SCGB2A1: variants seen among roughly 807,000 people sequenced by gnomAD.
The protein encoded by SCGB2A1 is secretoglobin family 2A member 1, also known as mammaglobin-B.
Under a neutral mutation model 9.2 loss-of-function variants are expected in SCGB2A1, and 6 were observed. That is an observed-to-expected ratio of 0.66 (90% CI 0.36 to 1.29). The LOEUF (loss-of-function observed/expected upper bound fraction) is 1.29. Ranked by LOEUF, SCGB2A1 falls within the 50% of genes most tolerant of loss-of-function variation. SCGB2A1 has a pLI of 0.03. For missense variants in SCGB2A1, 138 were observed against 116.9 expected (o/e 1.18, Z -0.83); for synonymous variants, 37 against 41.0 (o/e 0.90, Z 0.37).
chr11:62,208,699 G>C lies in SCGB2A1; in HGVS notation c.-33G>C, dbSNP rs376279942. ...CAGCAACTTCCTTGATCCCTGCCAC[G>C]CACGACTGAACACAGACAGCAGCCG... is the stretch of plus-strand genomic sequence containing the variant. On this transcript the variant is annotated 5_prime_UTR_variant, in exon 1 of 3. Transcript: ENST00000244930. 1.2e-6 allele frequency: 2 copies of C among 1,611,736 alleles called. No homozygotes were observed. The highest frequency in any genetic ancestry group is 4.5e-5 in the East Asian group (2 of 44,862).
At chr11:62,213,199 G>A (rs1944853225) in intron 2 of SCGB2A1, among the ~76,000 whole-genome samples, 1 of 149,340 alleles carries the variant, frequency 6.7e-6, no homozygotes, top group Non-Finnish European at 1.5e-5. Context: ...GCTTCCCAAA[G>A]TGCTGGGATT....
intron 2 of SCGB2A1, 89 bp downstream of exon 2, chr11:62,210,689 T>A: frequency 9.9e-7 from 1 of 1,007,434 alleles, no homozygotes; most frequent in Non-Finnish European, 1.4e-6. Context: ...GCCAAGCAAC[T>A]GGTGAACAAA....
chr11:62,211,874 A>T (rs1250486968), intron 2 of SCGB2A1, among the ~76,000 whole-genome samples: 2 of 152,110 alleles, frequency 1.3e-5, no homozygotes, highest in East Asian at 3.9e-4. Context: ...TATAACAAGG[A>T]GTATTTCTGT....
At position 62,212,678 on chromosome 11, in the gene SCGB2A1, C is replaced by A. The variant is rs138031814; in HGVS notation, c.244-1048C>A. On this transcript the variant is annotated intron_variant, in intron 2 of 2. Coordinates refer to ENST00000244930, the MANE Select transcript of SCGB2A1 (RefSeq NM_002407.3). ...AAAAATCCTAAACAAACCAAAAAAA[C>A]CCCTCAGATTAATCATTCATATTGT... Among the ~76,000 whole-genome samples the A allele has an allele frequency of 4.9e-4, 75 of 151,874 alleles. No homozygotes were observed. The East Asian group carries it at 8.2e-3, about 17-fold the overall frequency.
At position 62,210,297 on chromosome 11, in the gene SCGB2A1, G is replaced by T. The variant is rs974743529; in HGVS notation, c.56-116G>T. The stretch of plus-strand genomic sequence containing the variant: ...CTGCACCAAAATCTTTCTGAACCTC[G>T]GTCTGTCCCTGGAGGTACGAAGATA... On this transcript the variant is annotated intron_variant, in intron 1 of 2. Coordinates refer to ENST00000244930, the MANE Select transcript of SCGB2A1 (RefSeq NM_002407.3). 30 of 1,275,416 alleles carry T rather than the reference G, an allele frequency of 2.4e-5. No homozygotes were observed. In the African/African-American group the frequency reaches 2.5e-4, roughly 11 times the overall value. 79.0% of individuals were successfully genotyped at this position (1,275,416 alleles called of 1,614,324 possible).
At chr11:62,209,055 A>C (rs954899552) in intron 1 of SCGB2A1, among the ~76,000 whole-genome samples, 1 of 152,194 alleles carries the variant, frequency 6.6e-6, no homozygotes, top group Non-Finnish European at 1.5e-5. Context: ...GATGAGTCTC[A>C]GGATTAAATA....
Position 62,213,022 on chromosome 11 carries a change from A to ACACATATATG in SCGB2A1, c.244-702_244-701insCATATATGCA, listed in dbSNP as rs1944846966. Among the ~76,000 whole-genome samples the ACACATATATG allele has an allele frequency of 2.4e-4, 15 of 61,744 alleles. No homozygotes were observed. The South Asian group carries it at 0.015, about 63-fold the overall frequency. 40.5% of individuals were successfully genotyped at this position (61,744 alleles called of 152,430 possible). On this transcript the variant is annotated intron_variant, in intron 2 of 2. Transcript: ENST00000244930. ...TATGTACACATATATGCACATATAT[A>ACACATATATG]CATATATACACACATATATACATAT...
intron 2 of SCGB2A1, among the ~76,000 whole-genome samples, chr11:62,210,997 C>T (rs1220598266): frequency 1.3e-5 from 2 of 150,882 alleles, no homozygotes; most frequent in Non-Finnish European, 2.9e-5. Context: ...AATCTCGGCT[C>T]ACTGCAACCT....
chr11:62,213,106 A>ATATATATATATTTTT (rs67975205), intron 2 of SCGB2A1, among the ~76,000 whole-genome samples: 23 of 116,232 alleles, frequency 2.0e-4, no homozygotes, highest in African/African-American at 6.2e-4. Context: ...ATATATATAT[A>ATATATATATATTTTT]TTTTTTTTTT....
chr11:62,210,386 C>CTTTTTTTTTTTTT (rs201416395), intron 1 of SCGB2A1, 27 bp from the exon 2 acceptor site: 8 of 1,349,572 alleles, frequency 5.9e-6, no homozygotes, highest in African/African-American at 1.7e-5. Context: ...GTTCTTGTGT[C>CTTTTTTTTTTTTT]TTTTTTTTTT....
Position 62,213,799 on chromosome 11 carries a change from C to T in SCGB2A1, c.*29C>T. The T allele has an allele frequency of 6.2e-7, 1 of 1,600,084 alleles. No individual in the cohort carries two copies. The highest frequency in any genetic ancestry group is 8.6e-7 in the Non-Finnish European group (1 of 1,168,900). On this transcript the variant is annotated 3_prime_UTR_variant, in exon 3 of 3. Coordinates refer to ENST00000244930, the MANE Select transcript of SCGB2A1 (RefSeq NM_002407.3). Reference sequence around the variant, plus strand: ...TACCCAAGGCGTTTGGCTCAGAGGGCTACAGACTATGGCCAGAACTCATCT... The same window carrying T: ...TACCCAAGGCGTTTGGCTCAGAGGGTTACAGACTATGGCCAGAACTCATCT...
chr11:62,210,524 C>T lies in SCGB2A1; in HGVS notation c.167C>T (p.Ala56Val), dbSNP rs1370250944. Reference sequence around the variant, plus strand: ...GAGTTCATAGACAGTGATGCCGCTGCAGAGGCTATGGGGAAATTCAAGCAG... The same window carrying T: ...GAGTTCATAGACAGTGATGCCGCTGTAGAGGCTATGGGGAAATTCAAGCAG... ...LQEFIDSDAAAEAMGKFKQCF... is the reference protein window; with the variant it reads ...LQEFIDSDAAVEAMGKFKQCF... Residue 56 changes from alanine (A) to valine (V), a missense_variant, in exon 2 of 3, where the codon GCA becomes GTA. Physicochemically the swap from Ala to Val is moderately conservative, Grantham distance 64 (BLOSUM62 0). Transcript: ENST00000244930. 6.3e-7 allele frequency: 1 copy of T among 1,595,564 alleles called. No homozygotes were observed. Among genetic ancestry groups the T allele is most frequent in the Non-Finnish European group, 8.5e-7 (1 of 1,173,868 alleles).
Position 62,213,705 on chromosome 11 carries a change from T to G in SCGB2A1, c.244-21T>G, listed in dbSNP as rs186048685. 183 of 1,604,302 alleles carry G rather than the reference T, an allele frequency of 1.1e-4. 3 individuals are homozygous for G. In the Admixed American group the frequency reaches 3.0e-3, roughly 26 times the overall value. The stretch of plus-strand genomic sequence containing the variant: ...AATAAGTGAAATTTGCAAACCTAAG[T>G]GACCTGCTTTTGTTTTCCAGCATAC... On this transcript the variant is annotated intron_variant, in intron 2 of 2. Coordinates refer to ENST00000244930, the MANE Select transcript of SCGB2A1 (RefSeq NM_002407.3).
Position 62,210,566 on chromosome 11 carries a change from C to A in SCGB2A1, c.209C>A (p.Ser70Ter). ...GKFKQCFLNQSHRTLKNFGLM... is the reference protein window; with the variant it reads ...GKFKQCFLNQ Reference sequence around the variant, plus strand: ...TTCAAGCAGTGTTTCCTCAACCAGTCACATAGAACTCTGAAAAACTTTGGA... The same window carrying A: ...TTCAAGCAGTGTTTCCTCAACCAGTAACATAGAACTCTGAAAAACTTTGGA... Residue 70 changes from serine (S) to a stop codon, truncating the protein, a stop_gained, in exon 2 of 3, where the codon TCA becomes TAA. Transcript: ENST00000244930. LOFTEE classifies it low-confidence loss of function (END_TRUNC). The A allele has an allele frequency of 1.3e-6, 2 of 1,566,908 alleles. No homozygotes were observed. Among genetic ancestry groups the A allele is most frequent in the Non-Finnish European group, 8.6e-7 (1 of 1,165,426 alleles).
At chr11:62,212,841 T>G (rs1944840644) in intron 2 of SCGB2A1, among the ~76,000 whole-genome samples, 1 of 151,398 alleles carries the variant, frequency 6.6e-6, no homozygotes, top group South Asian at 2.1e-4. Flanking sequence ...GCTCAAGTGA[T>G]CCTCCCGCTT....
chr11:62,209,716 TG>T (rs1944813369), intron 1 of SCGB2A1, among the ~76,000 whole-genome samples: 1 of 151,610 alleles, frequency 6.6e-6, no homozygotes, highest in African/African-American at 2.4e-5. Context: ...AGGCTGGGAC[TG>T]GGACTGGTGT....
chr11:62,212,450 C>T (rs1944838097), intron 2 of SCGB2A1, among the ~76,000 whole-genome samples: 1 of 151,498 alleles, frequency 6.6e-6, no homozygotes, highest in South Asian at 2.1e-4. Context: ...GCCTGGCCAA[C>T]ATGCTGAAAC....
In SCGB2A1 at chr11:62,208,869, C is replaced by T. The variant is rs778226851; in HGVS notation, c.55+83C>T. 380 of 1,386,312 alleles carry T rather than the reference C, an allele frequency of 2.7e-4. 1 individual carries two copies. Among genetic ancestry groups the T allele is most frequent in the Non-Finnish European group, 3.6e-4 (356 of 985,848 alleles). The allele number at this position is 1,386,312 out of a possible 1,614,324, so 85.9% of individuals were successfully genotyped here. ...TAGAAGAACTCCCAACCTCTAATCC[C>T]CAGCACAGACGAGCCCCAGTGTGAA... On this transcript the variant is annotated intron_variant, in intron 1 of 2. Coordinates refer to ENST00000244930, the MANE Select transcript of SCGB2A1 (RefSeq NM_002407.3).
At chr11:62,212,405 CGGGCAGAT>C (rs1944837625) in intron 2 of SCGB2A1, among the ~76,000 whole-genome samples, 1 of 151,382 alleles carries the variant, frequency 6.6e-6, no homozygotes, top group African/African-American at 2.4e-5. Flanking sequence ...GAGGCCAAGG[CGGGCAGAT>C]CACTTGAGGT....
Sources: gnomAD v4.1 joint callset for allele counts (sites outside exome capture counted in the v4.1 genomes callset) on GRCh38, gnomAD v4.1.1 for gene constraint, MANE v1.5 for transcripts, NCBI Gene and HGNC (gene_info 2026-07-23, HGNC 2026-07-21) for gene names.